NEDD8: variants seen among roughly 807,000 people sequenced by gnomAD.
NEDD8 encodes ubiquitin-like protein NEDD8.
In NEDD8, 1 loss-of-function variant was observed where a neutral mutation model predicts 13.8. The ratio of observed to expected loss-of-function variants is 0.07; its 90% CI spans 0.03 to 0.34. NEDD8 has a LOEUF of 0.34. Ranked by LOEUF, NEDD8 falls within the 10% of genes least tolerant of loss-of-function variation. NEDD8 has a pLI of 0.99. For synonymous variants in NEDD8, 31 were observed against 33.2 expected (o/e 0.93, Z 0.23); for missense variants, 10 against 95.2 (o/e 0.10, Z 3.73).
At chr14:24,231,150 C>G (rs531066398) in intron 1 of NEDD8, among the ~76,000 whole-genome samples, 19 of 152,304 alleles carry the variant, frequency 1.2e-4, no homozygotes, top group South Asian at 6.2e-4. Context: ...CTCGGCCTTC[C>G]AAAGTGCTGG....
At chr14:24,229,080 G>C (rs962915644) in intron 1 of NEDD8, among the ~76,000 whole-genome samples, 4 of 151,926 alleles carry the variant, frequency 2.6e-5, no homozygotes, top group Non-Finnish European at 5.9e-5. Context: ...TATCACCTGG[G>C]AGTTTGTGAG....
intron 1 of NEDD8, among the ~76,000 whole-genome samples, chr14:24,229,791 A>G (rs1464481196): frequency 1.3e-5 from 2 of 152,200 alleles, no homozygotes; most frequent in African/African-American, 4.8e-5. Context: ...GAAGTATTCA[A>G]CAGGCCGGGC....
chr14:24,225,850 A>G (rs116189277), intron 1 of NEDD8, among the ~76,000 whole-genome samples: 47 of 151,098 alleles, frequency 3.1e-4, no homozygotes, highest in African/African-American at 1.0e-3. Context: ...GCCAGCCTGG[A>G]TAACATGATG....
At chr14:24,222,919 C>G (rs71405839) in intron 1 of NEDD8, among the ~76,000 whole-genome samples, 1 of 151,600 alleles carries the variant, frequency 6.6e-6, no homozygotes, top group Non-Finnish European at 1.5e-5. Context: ...AACCCCATCT[C>G]TACTAAAAAT....
intron 1 of NEDD8, among the ~76,000 whole-genome samples, chr14:24,220,705 G>C (rs373672465): frequency 6.6e-6 from 1 of 152,134 alleles, no homozygotes; most frequent in East Asian, 1.9e-4. Context: ...ATGAGATATG[G>C]ACTATTACTA....
intron 1 of NEDD8, among the ~76,000 whole-genome samples, chr14:24,222,008 TA>T (rs1355464613): frequency 2.6e-5 from 4 of 152,346 alleles, no homozygotes; most frequent in African/African-American, 9.6e-5. Context: ...TTGTAAATTC[TA>T]AAAGTCTAGA....
intron 1 of NEDD8, chr14:24,227,479 ATGAG>A (rs1440367940): frequency 6.6e-6 from 1 of 152,252 alleles, no homozygotes; most frequent in Non-Finnish European, 1.5e-5. Context: ...AAACATATAA[ATGAG>A]TAAGACCCGA....
intron 1 of NEDD8, among the ~76,000 whole-genome samples, chr14:24,225,431 C>T (rs921861075): frequency 2.0e-5 from 3 of 151,830 alleles, no homozygotes; most frequent in Non-Finnish European, 2.9e-5. Flanking sequence ...GTAAAAATTA[C>T]GGTTATGTTA....
intron 1 of NEDD8, among the ~76,000 whole-genome samples, chr14:24,228,980 A>G (rs2138907421): frequency 6.6e-6 from 1 of 152,204 alleles, no homozygotes; most frequent in East Asian, 1.9e-4. Context: ...AAGACTGGCA[A>G]TTTTAGAGAA....
intron 1 of NEDD8, 105 bp downstream of exon 1, chr14:24,232,145 C>G: frequency 6.3e-7 from 1 of 1,577,958 alleles, no homozygotes; most frequent in Non-Finnish European, 8.7e-7. Flanking sequence ...CAGTCAGCGT[C>G]CTCCAGGCTA....
intron 1 of NEDD8, among the ~76,000 whole-genome samples, chr14:24,219,301 A>AAACAACAAC (rs147656745): frequency 3.8e-4 from 56 of 148,802 alleles, no homozygotes; most frequent in Admixed American, 1.7e-3. Context: ...GTCTCAACCA[A>AAACAACAAC]AACAACAACA....
intron 1 of NEDD8, among the ~76,000 whole-genome samples, chr14:24,222,651 A>G (rs1195964209): frequency 1.3e-5 from 2 of 152,226 alleles, no homozygotes; most frequent in African/African-American, 4.8e-5. Context: ...CCATATTGTA[A>G]AAGTTCTTTA....
chr14:24,231,496 G>GC (rs1373126066), intron 1 of NEDD8, among the ~76,000 whole-genome samples: 2 of 76,040 alleles, frequency 2.6e-5, no homozygotes, highest in Admixed American at 1.1e-4. Context: ...GGGGGGCGTG[G>GC]GGGGGGGGGT....
chr14:24,226,445 C>CAAA (rs34325177), intron 1 of NEDD8, among the ~76,000 whole-genome samples: 5 of 109,302 alleles, frequency 4.6e-5, no homozygotes, highest in Non-Finnish European at 9.8e-5. Flanking sequence ...GACTCCATCT[C>CAAA]AAAAAAAAAA....
intron 1 of NEDD8, among the ~76,000 whole-genome samples, chr14:24,226,258 G>C (rs568092498): frequency 6.6e-6 from 1 of 151,836 alleles, no homozygotes; most frequent in Non-Finnish European, 1.5e-5. Flanking sequence ...TTGGGAGGCT[G>C]AGGCAGGTGG....
intron 1 of NEDD8, 107 bp downstream of exon 1, chr14:24,232,143 G>T (rs2040051844): frequency 6.4e-7 from 1 of 1,567,300 alleles, no homozygotes; most frequent in Non-Finnish European, 8.7e-7. Flanking sequence ...GGCAGTCAGC[G>T]TCCTCCAGGC....
intron 1 of NEDD8, among the ~76,000 whole-genome samples, chr14:24,220,350 C>A (rs1415146571): frequency 6.6e-6 from 1 of 152,084 alleles, no homozygotes; most frequent in African/African-American, 2.4e-5. Context: ...GAGACAGGGT[C>A]TCACTGTATC....
At chr14:24,217,468 T>C (rs2039727556) in intron 3 of NEDD8, among the ~76,000 whole-genome samples, 1 of 152,066 alleles carries the variant, frequency 6.6e-6, no homozygotes, top group Admixed American at 6.6e-5. Flanking sequence ...TTTTGTATTT[T>C]TAGTAAAGAT....
At chr14:24,232,009 C>G (rs1229771153) in intron 1 of NEDD8, 1 of 572,450 alleles carries the variant, frequency 1.7e-6, no homozygotes, top group Non-Finnish European at 3.0e-6. Flanking sequence ...TGGGTGATAG[C>G]ACAGTCCTGG....
Sources: gnomAD v4.1 joint callset for allele counts (sites outside exome capture counted in the v4.1 genomes callset) on GRCh38, gnomAD v4.1.1 for gene constraint, MANE v1.5 for transcripts, NCBI Gene and HGNC (gene_info 2026-07-23, HGNC 2026-07-21) for gene names.